The following JPT2 variants were observed in gnomAD, a reference collection of about 807,000 sequenced individuals.
JPT2 encodes CRAMP_1 like.
In JPT2, 9 loss-of-function variants were observed where a neutral mutation model predicts 15.9. The ratio of observed to expected loss-of-function variants is 0.57; its 90% CI spans 0.34 to 0.99. The LOEUF is 0.99. JPT2 is among the 50% of genes least tolerant of loss of function. The pLI is 0.02. For synonymous variants in JPT2, 95 were observed against 91.7 expected (o/e 1.04, Z -0.21); for missense variants, 267 against 252.1 (o/e 1.06, Z -0.40).
In JPT2 at chr16:1,700,410, G is replaced by C; in HGVS notation, c.*1412G>C. 3.8e-6 allele frequency: 1 copy of C among 264,352 alleles called. No homozygotes were observed. The highest frequency in any genetic ancestry group is 3.9e-5 in the Admixed American group (1 of 25,400). The allele number at this position is 264,352 out of a possible 1,614,324, so 16.4% of individuals were successfully genotyped here. ...GGAGAACGTCTGGGTGGCGGCAGCAGCTTTGCTCTGAGTGCCTACAAAGCT... is the reference window on the plus strand; with the variant it reads ...GGAGAACGTCTGGGTGGCGGCAGCACCTTTGCTCTGAGTGCCTACAAAGCT... On this transcript the variant is annotated 3_prime_UTR_variant, in exon 5 of 5. Coordinates refer to ENST00000248098, the MANE Select transcript of JPT2 (RefSeq NM_144570.3).
rs972395985 is a variant in JPT2, at chr16:1,680,842, G to A, written c.44+2486G>A. 3.3e-5 allele frequency among the ~76,000 whole-genome samples: 5 copies of A among 152,290 alleles called. No homozygotes were observed. The South Asian group carries it at 1.0e-3, about 32-fold the overall frequency. On this transcript the variant is annotated intron_variant, in intron 1 of 4. Coordinates refer to ENST00000248098, the MANE Select transcript of JPT2 (RefSeq NM_144570.3). ...CACTGCTTCTCTCTAAGCCTGACCA[G>A]TCCCCTCATCCTTTCTGAAACTCGG...
Position 1,697,322 on chromosome 16 carries a change from G to C in JPT2, c.337-490G>C, listed in dbSNP as rs1272676017. On this transcript the variant is annotated intron_variant, in intron 3 of 4. Transcript: ENST00000248098. ...TGAGTCCAGGAGTTTGAGATGAGCTGGGCAACGTGGCAAAACCCTGTCTCT... is the reference window on the plus strand; with the variant it reads ...TGAGTCCAGGAGTTTGAGATGAGCTCGGCAACGTGGCAAAACCCTGTCTCT... 4.6e-5 allele frequency among the ~76,000 whole-genome samples: 7 copies of C among 152,246 alleles called. No individual in the cohort carries two copies. The East Asian group carries it at 1.4e-3, about 29-fold the overall frequency.
chr16:1,696,470 G>A (rs1188402552), intron 3 of JPT2, among the ~76,000 whole-genome samples: 1 of 151,202 alleles, frequency 6.6e-6, no homozygotes, highest in African/African-American at 2.4e-5. Context: ...GCAGTGAGCC[G>A]AGATTGCGCC....
At chr16:1,683,523 T>C in intron 1 of JPT2, 1 of 1,535,104 alleles carries the variant, frequency 6.5e-7, no homozygotes, top group Non-Finnish European at 8.7e-7. Flanking sequence ...TGGCAACTGC[T>C]GACAGGAAGT....
chr16:1,682,588 C>T (rs2037031914), intron 1 of JPT2, among the ~76,000 whole-genome samples: 1 of 152,046 alleles, frequency 6.6e-6, no homozygotes, highest in South Asian at 2.1e-4. Flanking sequence ...AGGAGAATCG[C>T]CTGAACCCAG....
chr16:1,698,837 G>A lies in JPT2; in HGVS notation c.412G>A (p.Glu138Lys). 1.2e-6 allele frequency: 2 copies of A among 1,613,862 alleles called. No individual in the cohort carries two copies. The highest frequency in any genetic ancestry group is 1.7e-6 in the Non-Finnish European group (2 of 1,179,932). The change falls in exon 5 of 5, where the codon GAG becomes AAG. Residue 138 changes from glutamate to lysine, a missense_variant. Transcript: ENST00000248098. This position sits in a 1 kb window ranked among gnomAD's most constrained non-coding sequence, Gnocchi z 4.9. Reference sequence around the variant, plus strand: ...TGCAAGGAGCATCCCGGCTGGAGCAGAGCCAGGTGAGAAAGGCAGCGCCAG... The same window carrying A: ...TGCAAGGAGCATCCCGGCTGGAGCAAAGCCAGGTGAGAAAGGCAGCGCCAG... ...KAARSIPAGA[E>K]PGEKGSARKA...
intron 2 of JPT2, 120 bp downstream of exon 2, chr16:1,685,707 A>AGAT (rs570995444): frequency 9.1e-7 from 1 of 1,094,524 alleles, no homozygotes; most frequent in South Asian, 1.6e-5. Flanking sequence ...ACTTGTTATC[A>AGAT]GAGTTCTTCC....
At chr16:1,692,737 T>C (rs2037112876) in intron 3 of JPT2, among the ~76,000 whole-genome samples, 1 of 152,264 alleles carries the variant, frequency 6.6e-6, no homozygotes, top group African/African-American at 2.4e-5. Flanking sequence ...GATTTATTAC[T>C]AACATAATTA....
intron 1 of JPT2, among the ~76,000 whole-genome samples, chr16:1,682,541 G>A (rs2037031611): frequency 6.6e-6 from 1 of 152,052 alleles, no homozygotes; most frequent in African/African-American, 2.4e-5. Context: ...GCATGGTGGC[G>A]GGCATCTGTA....
At chr16:1,686,945 G>A (rs2037071371) in intron 2 of JPT2, among the ~76,000 whole-genome samples, 2 of 152,018 alleles carry the variant, frequency 1.3e-5, no homozygotes, top group Admixed American at 6.6e-5. Context: ...CAAATGTAGA[G>A]GAAAAAAAGC....
At chr16:1,692,190 G>A (rs753300207) in intron 3 of JPT2, 16 of 661,888 alleles carry the variant, frequency 2.4e-5, no homozygotes, top group Middle Eastern at 8.3e-4. Context: ...GACTGAAGCC[G>A]TGGGGGAAGC....
In JPT2 at chr16:1,698,001, C is replaced by G. The variant is rs1033687189; in HGVS notation, c.385+141C>G. 1.4e-6 allele frequency: 1 copy of G among 715,418 alleles called. No individual in the cohort carries two copies. The highest frequency in any genetic ancestry group is 2.6e-5 in the Admixed American group (1 of 39,164). 44.3% of individuals were successfully genotyped at this position (715,418 alleles called of 1,614,324 possible). A position where few individuals can be genotyped will look rare whatever the true frequency, so the allele number is the denominator to read the frequency against. ...ATTAAAACGAGCTCAGGTGTATCCACTGCAAGAGGATTCAGCATTTGAAGA... is the reference window on the plus strand; with the variant it reads ...ATTAAAACGAGCTCAGGTGTATCCAGTGCAAGAGGATTCAGCATTTGAAGA... On this transcript the variant is annotated intron_variant, in intron 4 of 4. Transcript: ENST00000248098. The surrounding 1 kb of genome is among the most constrained non-coding windows in gnomAD (Gnocchi z 4.9).
intron 1 of JPT2, among the ~76,000 whole-genome samples, chr16:1,682,474 C>A (rs1486277397): frequency 6.6e-6 from 1 of 152,028 alleles, no homozygotes; most frequent in Admixed American, 6.5e-5. Context: ...AAGTTCAAGA[C>A]CAGCCTGGCC....
intron 1 of JPT2, 102 bp downstream of exon 1, chr16:1,678,458 T>C (rs1205437962): frequency 3.6e-6 from 1 of 277,918 alleles, no homozygotes; most frequent in East Asian, 1.1e-4. Context: ...GGGGTGGGGT[T>C]GGGGGGCAGG....
intron 2 of JPT2, chr16:1,688,904 G>A (rs992777490): frequency 2.6e-5 from 4 of 152,198 alleles, no homozygotes; most frequent in African/African-American, 9.7e-5. Flanking sequence ...ACCTAGTTAT[G>A]AAGGTTAAAA....
At chr16:1,689,121 T>C (rs2037087626) in intron 2 of JPT2, 1 of 152,224 alleles carries the variant, frequency 6.6e-6, no homozygotes, top group African/African-American at 2.4e-5. Context: ...TTACAGACTT[T>C]TCTGTTATGT....
intron 3 of JPT2, 46 bp downstream of exon 3, chr16:1,692,031 G>A (rs193185504): frequency 6.2e-7 from 1 of 1,605,632 alleles, no homozygotes; most frequent in African/African-American, 1.3e-5. Flanking sequence ...GGGTATGCCA[G>A]GTGCTCTTTC....
intron 3 of JPT2, among the ~76,000 whole-genome samples, chr16:1,695,653 T>C (rs1307778404): frequency 1.3e-5 from 2 of 151,966 alleles, no homozygotes; most frequent in Admixed American, 1.3e-4. Flanking sequence ...GGCAGATTGC[T>C]TGAGCCTAGG....
chr16:1,678,401 G>C, intron 1 of JPT2, 45 bp downstream of exon 1: 1 of 1,225,630 alleles, frequency 8.2e-7, no homozygotes, highest in Middle Eastern at 3.1e-4. Context: ...GCGCGACCAC[G>C]TGGCGGGAGC....
Sources: gnomAD v4.1 joint callset for allele counts (sites outside exome capture counted in the v4.1 genomes callset) on GRCh38, gnomAD v4.1.1 for gene constraint, Gnocchi (gnomAD v3.1) non-coding constraint, MANE v1.5 for transcripts, NCBI Gene and HGNC (gene_info 2026-07-23, HGNC 2026-07-21) for gene names.